The following PRKAA2 variants were observed in gnomAD, a reference collection of about 807,000 sequenced individuals.
PRKAA2 encodes protein kinase AMP-activated catalytic subunit alpha 2.
Under a neutral mutation model 56.3 loss-of-function variants are expected in PRKAA2, and 40 were observed. The ratio of observed to expected loss-of-function variants is 0.71; its 90% CI spans 0.55 to 0.92. PRKAA2 has a LOEUF of 0.92. PRKAA2 is among the 40% of genes least tolerant of loss of function. The pLI, the probability that PRKAA2 is intolerant of heterozygous loss-of-function variation, is 0.00. For synonymous variants in PRKAA2, 214 were observed against 234.2 expected (o/e 0.91, Z 0.79); for missense variants, 542 against 686.9 (o/e 0.79, Z 2.36).
intron 1 of PRKAA2, among the ~76,000 whole-genome samples, chr1:56,648,385 A>G (rs1646661251): frequency 6.6e-6 from 1 of 152,194 alleles, no homozygotes; most frequent in Admixed American, 6.5e-5. Flanking sequence ...AGCATGTGCC[A>G]TTAATTTGTT....
chr1:56,658,575 T>TG (rs1643965129), intron 1 of PRKAA2, among the ~76,000 whole-genome samples: 1 of 115,660 alleles, frequency 8.6e-6, no homozygotes, highest in African/African-American at 3.2e-5. Context: ...ATGTTGTTGT[T>TG]TTTTTTTTTC....
intron 2 of PRKAA2, among the ~76,000 whole-genome samples, chr1:56,688,279 A>G (rs1214582126): frequency 1.3e-5 from 2 of 152,184 alleles, no homozygotes; most frequent in African/African-American, 4.8e-5. Context: ...TAATTTTGCT[A>G]TGATTTTTCA....
At chr1:56,679,164 C>CT (rs1644135775) in intron 2 of PRKAA2, among the ~76,000 whole-genome samples, 1 of 152,072 alleles carries the variant, frequency 6.6e-6, no homozygotes, top group Non-Finnish European at 1.5e-5. Context: ...CCCGCTTTAT[C>CT]TTCCTGGCTG....
rs577082672 is a variant in PRKAA2, at chr1:56,706,304, G to T, written c.1420+86G>T. The T allele has an allele frequency of 3.4e-6, 5 of 1,491,916 alleles. No homozygotes were observed. In the Admixed American group the frequency reaches 5.9e-5, roughly 18 times the overall value. 92.4% of individuals were successfully genotyped at this position (1,491,916 alleles called of 1,614,324 possible). A position where few individuals can be genotyped will look rare whatever the true frequency, so the allele number is the denominator to read the frequency against. ...TGTTAAAATCATCTCGAAGACATCC[G>T]GTGGGTAGGTCCTGCACTGGTTTTT... On this transcript the variant is annotated intron_variant, in intron 8 of 8. Transcript: ENST00000371244.
At chr1:56,704,514 C>T in intron 7 of PRKAA2, 39 bp downstream of exon 7, 3 of 1,533,092 alleles carry the variant, frequency 2.0e-6, no homozygotes, top group Non-Finnish European at 2.6e-6. Flanking sequence ...TTGTAGAAGC[C>T]ATTTTTCTAT....
Position 56,713,964 on chromosome 1 carries a change from T to G in PRKAA2, c.*6251T>G, listed in dbSNP as rs1644388294. The G allele has an allele frequency of 1.3e-5, 2 of 152,116 alleles. No homozygotes were observed. Among genetic ancestry groups the G allele is most frequent in the Non-Finnish European group, 2.9e-5 (2 of 67,964 alleles). The allele number at this position is 152,116 out of a possible 1,614,324, so 9.4% of individuals were successfully genotyped here. ...CTTTTTTTCTAATCCCTCTCAGTTC[T>G]CCTTAGATCTGCCTCCTACAAATGA... On this transcript the variant is annotated 3_prime_UTR_variant, in exon 9 of 9. Coordinates refer to ENST00000371244, the MANE Select transcript of PRKAA2 (RefSeq NM_006252.4).
intron 3 of PRKAA2, among the ~76,000 whole-genome samples, chr1:56,691,868 A>G (rs1402960927): frequency 6.6e-6 from 1 of 152,164 alleles, no homozygotes; most frequent in Non-Finnish European, 1.5e-5. Flanking sequence ...ATTTCTGCTT[A>G]GCGACAAAGA....
intron 1 of PRKAA2, among the ~76,000 whole-genome samples, chr1:56,655,695 T>C (rs1643936383): frequency 6.6e-6 from 1 of 152,066 alleles, no homozygotes; most frequent in Non-Finnish European, 1.5e-5. Context: ...CCAGACTATG[T>C]GAAGTGGCTA....
At chr1:56,683,395 G>T (rs1202230519) in intron 2 of PRKAA2, among the ~76,000 whole-genome samples, 2 of 152,052 alleles carry the variant, frequency 1.3e-5, no homozygotes, top group African/African-American at 4.8e-5. Flanking sequence ...AAGAACAAAA[G>T]AATGAAAGTG....
Position 56,704,093 on chromosome 1 carries a change from A to G in PRKAA2, c.911A>G (p.Glu304Gly). The G allele has an allele frequency of 6.2e-7, 1 of 1,614,216 alleles. No homozygotes were observed. The highest frequency in any genetic ancestry group is 1.1e-5 in the South Asian group (1 of 91,090). ...GTGTGTGAAAAATTTGAATGTACAG[A>G]ATCAGAAGTAATGAACAGTTTATAT... ...KEVCEKFECT[E>G]SEVMNSLYSG... Residue 304 changes from glutamate (E) to glycine (G), a missense_variant, in exon 7 of 9, where the codon GAA (glutamate) becomes GGA (glycine). By Grantham distance (98) the Glu-to-Gly change is moderately conservative. Transcript: ENST00000371244.
intron 1 of PRKAA2, among the ~76,000 whole-genome samples, chr1:56,656,906 A>T (rs1259663857): frequency 6.6e-6 from 1 of 152,194 alleles, no homozygotes; most frequent in Admixed American, 6.5e-5. Flanking sequence ...TGAATCCAAG[A>T]CCACTGATGG....
intron 2 of PRKAA2, among the ~76,000 whole-genome samples, chr1:56,681,570 C>T (rs1644155378): frequency 6.6e-6 from 1 of 152,206 alleles, no homozygotes; most frequent in African/African-American, 2.4e-5. Flanking sequence ...CAGCTTTCTA[C>T]ATATGGCTAG....
At chr1:56,693,741 A>T (rs748480670) in intron 4 of PRKAA2, 24 bp from the exon 5 acceptor site, 11 of 1,488,800 alleles carry the variant, frequency 7.4e-6, no homozygotes, top group South Asian at 3.8e-5. Flanking sequence ...TCTAGCACCA[A>T]GTAAACATTA....
At chr1:56,673,264 AC>A (rs1644090512) in intron 1 of PRKAA2, among the ~76,000 whole-genome samples, 1 of 151,874 alleles carries the variant, frequency 6.6e-6, no homozygotes. Flanking sequence ...AGTGCCAGCT[AC>A]TGGGAGGCTG....
chr1:56,670,769 A>T (rs554736468), intron 1 of PRKAA2, among the ~76,000 whole-genome samples: 1 of 152,290 alleles, frequency 6.6e-6, no homozygotes, highest in South Asian at 2.1e-4. Context: ...ATTGATCTGG[A>T]TATTTACGTG....
chr1:56,686,103 T>A lies in PRKAA2; in HGVS notation c.237-5291T>A, dbSNP rs574611524. 1.2e-4 allele frequency among the ~76,000 whole-genome samples: 18 copies of A among 152,334 alleles called. No homozygotes were observed. The South Asian group carries it at 3.7e-3, about 32-fold the overall frequency. On this transcript the variant is annotated intron_variant, in intron 2 of 8. Transcript: ENST00000371244. ...TTAATAACCAAGACATTAATTACCT[T>A]AGACTCTAGAATGTTATAGAAAGTT...
chr1:56,652,747 G>T (rs1007953811), intron 1 of PRKAA2, among the ~76,000 whole-genome samples: 3 of 152,208 alleles, frequency 2.0e-5, no homozygotes, highest in Non-Finnish European at 2.9e-5. Flanking sequence ...ACAGATAGAT[G>T]ACACTTGTGG....
chr1:56,653,453 C>G (rs886750156), intron 1 of PRKAA2, among the ~76,000 whole-genome samples: 1 of 151,994 alleles, frequency 6.6e-6, no homozygotes, highest in African/African-American at 2.4e-5. Context: ...TAAATACTCT[C>G]TGTAGTATGT....
At chr1:56,646,823 A>G (rs1646646506) in intron 1 of PRKAA2, among the ~76,000 whole-genome samples, 1 of 152,116 alleles carries the variant, frequency 6.6e-6, no homozygotes, top group Admixed American at 6.6e-5. Flanking sequence ...CACATATTTA[A>G]TACTCATTCA....
Sources: gnomAD v4.1 joint callset for allele counts (sites outside exome capture counted in the v4.1 genomes callset) on GRCh38, gnomAD v4.1.1 for gene constraint, MANE v1.5 for transcripts, NCBI Gene and HGNC (gene_info 2026-07-23, HGNC 2026-07-21) for gene names.